AUTS2: variants seen among roughly 807,000 people sequenced by gnomAD.
AUTS2 encodes the protein activator of transcription and developmental regulator AUTS2, also known as autism susceptibility gene 2 protein.
AUTS2 carries 17 observed loss-of-function variants against 112.4 expected under a neutral mutation model. The observed-to-expected ratio is 0.15, with a 90% CI of 0.10 to 0.23. The LOEUF is 0.23. Ranked by LOEUF, AUTS2 falls within the 10% of genes least tolerant of loss-of-function variation. The pLI is 1.00. For missense variants in AUTS2, 1,510 were observed against 1,701.6 expected, an observed-to-expected ratio of 0.89 and a Z score of 1.98; for synonymous variants, 751 against 702.7, an observed-to-expected ratio of 1.07 and a Z score of -1.09.
chr7:70,576,401 C>T (rs1802167221), intron 5 of AUTS2, among the ~76,000 whole-genome samples: 1 of 152,160 alleles, frequency 6.6e-6, no homozygotes, highest in African/African-American at 2.4e-5. Context: ...ACAGTGATCC[C>T]TTGCTCTGTT....
At chr7:69,811,991 T>C (rs1790565338) in intron 1 of AUTS2, among the ~76,000 whole-genome samples, 2 of 152,200 alleles carry the variant, frequency 1.3e-5, no homozygotes, top group South Asian at 4.1e-4. Context: ...AAGGCTGTAA[T>C]GCAGACCAGG....
chr7:70,377,381 T>C (rs901862736), intron 4 of AUTS2, among the ~76,000 whole-genome samples: 6 of 128,532 alleles, frequency 4.7e-5, no homozygotes, highest in African/African-American at 5.7e-5. Flanking sequence ...TATAGTGATA[T>C]ATATATCGCA....
At chr7:70,736,102 A>G (rs769485727) in intron 6 of AUTS2, among the ~76,000 whole-genome samples, 1 of 152,146 alleles carries the variant, frequency 6.6e-6, no homozygotes, top group Non-Finnish European at 1.5e-5. Flanking sequence ...CCATAAAGTG[A>G]CAAACTACCC....
chr7:70,459,534 C>T (rs1292666196), intron 5 of AUTS2, among the ~76,000 whole-genome samples: 1 of 152,180 alleles, frequency 6.6e-6, no homozygotes, highest in Non-Finnish European at 1.5e-5. Flanking sequence ...TTTAAAACTC[C>T]TGGCTGGCTG....
intron 2 of AUTS2, among the ~76,000 whole-genome samples, chr7:70,021,597 C>G (rs1226540140): frequency 6.6e-6 from 1 of 152,120 alleles, no homozygotes; most frequent in Non-Finnish European, 1.5e-5. Context: ...AGTAAAATAA[C>G]GTGGAAAGGG....
At chr7:70,255,233 CT>C (rs1440994444) in intron 4 of AUTS2, among the ~76,000 whole-genome samples, 1 of 151,994 alleles carries the variant, frequency 6.6e-6, no homozygotes, top group Non-Finnish European at 1.5e-5. Flanking sequence ...GCCACCACGC[CT>C]GGCTAATTTT....
At chr7:70,602,141 T>C (rs142509435) in intron 5 of AUTS2, among the ~76,000 whole-genome samples, 2 of 150,858 alleles carry the variant, frequency 1.3e-5, no homozygotes, top group African/African-American at 4.9e-5. Context: ...AAATGACATA[T>C]TGGGGCAAAA....
At chr7:70,213,649 A>G (rs190315114) in intron 4 of AUTS2, among the ~76,000 whole-genome samples, 3 of 152,094 alleles carry the variant, frequency 2.0e-5, no homozygotes, top group Non-Finnish European at 2.9e-5. Context: ...TAAATTAGGG[A>G]TAGGTATCAT....
At chr7:69,688,961 A>G (rs1005793963) in intron 1 of AUTS2, among the ~76,000 whole-genome samples, 2 of 152,222 alleles carry the variant, frequency 1.3e-5, no homozygotes, top group African/African-American at 4.8e-5. Context: ...ATAAAAATTA[A>G]TTACATATAG....
rs1213010482 is a variant in AUTS2 at position 70,791,027 on chromosome 7, G to A, written c.*31G>A. 2.7e-6 allele frequency: 4 copies of A among 1,471,244 alleles called. No individual in the cohort carries two copies. The highest frequency in any genetic ancestry group is 9.0e-7 in the Non-Finnish European group (1 of 1,115,578). The allele number at this position is 1,471,244 out of a possible 1,614,324, so 91.1% of individuals were successfully genotyped here. The stretch of plus-strand genomic sequence containing the variant: ...GAACAGGAGCAAGAACGAGGAAGAA[G>A]AAACCCTAGGCAGACACCAGGCCAG... On this transcript the variant is annotated 3_prime_UTR_variant, in exon 19 of 19. Coordinates refer to ENST00000342771, the MANE Select transcript of AUTS2 (RefSeq NM_015570.4).
intron 4 of AUTS2, among the ~76,000 whole-genome samples, chr7:70,323,195 G>A (rs147241296): frequency 5.9e-5 from 9 of 152,332 alleles, no homozygotes; most frequent in African/African-American, 2.2e-4. Flanking sequence ...AGCTGAAATT[G>A]CTTGGTTTCT....
chr7:70,530,089 G>A (rs1427303037), intron 5 of AUTS2, among the ~76,000 whole-genome samples: 1 of 152,172 alleles, frequency 6.6e-6, no homozygotes, highest in Non-Finnish European at 1.5e-5. Context: ...TGAATCAAGG[G>A]AGATTCTAGA....
intron 2 of AUTS2, among the ~76,000 whole-genome samples, chr7:70,048,574 T>C (rs1189331017): frequency 6.6e-6 from 1 of 152,224 alleles, no homozygotes; most frequent in Non-Finnish European, 1.5e-5. Flanking sequence ...AAATAGATGC[T>C]CAGAGAATGT....
chr7:69,864,979 A>G (rs984366546), intron 1 of AUTS2, among the ~76,000 whole-genome samples: 4 of 152,166 alleles, frequency 2.6e-5, no homozygotes, highest in Admixed American at 1.3e-4. Context: ...CACTCTCTGT[A>G]TTACAAATAA....
intron 1 of AUTS2, among the ~76,000 whole-genome samples, chr7:69,733,126 G>A (rs867323765): frequency 1.3e-5 from 2 of 152,068 alleles, no homozygotes; most frequent in South Asian, 2.1e-4. Context: ...AATTGGCTAC[G>A]GCTCAGGTGA....
At chr7:70,771,665 AAC>A (rs753336058) in intron 11 of AUTS2, 21 bp downstream of exon 11, 1 of 1,606,356 alleles carries the variant, frequency 6.2e-7, no homozygotes. Context: ...TCACAGTGAA[AAC>A]ACACAGGCAT....
chr7:69,876,517 TA>T (rs1562944176), intron 1 of AUTS2, among the ~76,000 whole-genome samples: 1 of 75,262 alleles, frequency 1.3e-5, no homozygotes, highest in Non-Finnish European at 2.4e-5. Flanking sequence ...TATATATATA[TA>T]TATATATATA....
rs141988578 is a variant in AUTS2 at position 70,542,604 on chromosome 7, C to T, written c.690+106823C>T. Among the ~76,000 whole-genome samples, 119 of 152,286 alleles carry T rather than the reference C, an allele frequency of 7.8e-4. 1 individual carries two copies. The highest frequency in any genetic ancestry group is 2.7e-3 in the African/African-American group (112 of 41,562). ...CTCCTTAGCAGGCCTCTGGGGTAAA[C>T]TTTATGTGTTAAACTTTATGGTTAA... On this transcript the variant is annotated intron_variant, in intron 5 of 18. Coordinates refer to ENST00000342771, the MANE Select transcript of AUTS2 (RefSeq NM_015570.4).
At chr7:69,935,631 A>G (rs1372613894) in intron 2 of AUTS2, among the ~76,000 whole-genome samples, 1 of 152,178 alleles carries the variant, frequency 6.6e-6, no homozygotes, top group Non-Finnish European at 1.5e-5. Flanking sequence ...TAAGGTTTTC[A>G]GCTAATACTC....
Sources: gnomAD v4.1 joint callset for allele counts (sites outside exome capture counted in the v4.1 genomes callset) on GRCh38, gnomAD v4.1.1 for gene constraint, MANE v1.5 for transcripts, NCBI Gene and HGNC (gene_info 2026-07-23, HGNC 2026-07-21) for gene names.